The following ZFYVE1 variants were observed in gnomAD, a reference collection of about 807,000 sequenced individuals.
ZFYVE1 encodes the protein zinc finger FYVE domain-containing protein 1.
A neutral mutation model predicts 74.4 loss-of-function variants in ZFYVE1; 30 were observed. The observed-to-expected ratio is 0.40, with a 90% confidence interval of 0.30 to 0.55. The LOEUF (loss-of-function observed/expected upper bound fraction) is 0.55. Ranked by LOEUF, ZFYVE1 falls within the 20% of genes least tolerant of loss-of-function variation. The pLI, the probability that ZFYVE1 is intolerant of heterozygous loss-of-function variation, is 0.42. For missense variants in ZFYVE1, 703 were observed against 1,011.6 expected, an observed-to-expected ratio of 0.69 and a Z score of 4.14; for synonymous variants, 335 against 385.1, an observed-to-expected ratio of 0.87 and a Z score of 1.52.
At chr14:73,023,382 TATA>T (rs1274439556) in intron 2 of ZFYVE1, among the ~76,000 whole-genome samples, 2 of 14,354 alleles carry the variant, frequency 1.4e-4, no homozygotes, top group Admixed American at 1.7e-3. Flanking sequence ...ATATAATATA[TATA>T]TTTTATGTGT....
chr14:72,969,961 C>T lies in ZFYVE1; in HGVS notation c.*921G>A. ...TGTGTCTGGGAACAAAGGATTAAGA[C>T]ACTTTAAAATAAGCAATGAAAATCC... On this transcript the variant is annotated 3_prime_UTR_variant, in exon 12 of 12. Coordinates refer to ENST00000556143, the MANE Select transcript of ZFYVE1 (RefSeq NM_021260.4). The T allele has an allele frequency of 3.6e-6, 2 of 548,306 alleles. No individual in the cohort carries two copies. The highest frequency in any genetic ancestry group is 2.4e-5 in the South Asian group (1 of 41,042). 34.0% of individuals were successfully genotyped at this position (548,306 alleles called of 1,614,324 possible).
At chr14:73,026,735 T>A (rs1476979480) in intron 1 of ZFYVE1, among the ~76,000 whole-genome samples, 191 bp downstream of exon 1, 1 of 129,850 alleles carries the variant, frequency 7.7e-6, no homozygotes, top group Admixed American at 7.7e-5. Context: ...ACAAAGAAGG[T>A]CCCCCAAAAT....
chr14:72,983,447 C>A (rs1427859939), intron 4 of ZFYVE1, among the ~76,000 whole-genome samples: 1 of 146,320 alleles, frequency 6.8e-6, no homozygotes. Flanking sequence ...TGAGAACATG[C>A]GGTGTTTGGT....
chr14:73,021,093 C>T (rs1271551437), intron 2 of ZFYVE1, among the ~76,000 whole-genome samples: 1 of 152,050 alleles, frequency 6.6e-6, no homozygotes, highest in Non-Finnish European at 1.5e-5. Flanking sequence ...GCCTGTAATC[C>T]CAGCATCTTG....
At chr14:73,020,597 C>T in intron 2 of ZFYVE1, among the ~76,000 whole-genome samples, 1 of 152,188 alleles carries the variant, frequency 6.6e-6, no homozygotes, top group East Asian at 1.9e-4. Context: ...CGTGATCCAC[C>T]TCCCTCAGCC....
intron 2 of ZFYVE1, among the ~76,000 whole-genome samples, chr14:73,006,300 C>T (rs1294891253): frequency 3.4e-5 from 5 of 147,880 alleles, no homozygotes; most frequent in African/African-American, 9.8e-5. Context: ...CGAGGCTGGG[C>T]GTGGTGGCTC....
intron 4 of ZFYVE1, among the ~76,000 whole-genome samples, chr14:72,982,472 A>G (rs1893360552): frequency 6.6e-6 from 1 of 152,214 alleles, no homozygotes; most frequent in Admixed American, 6.5e-5. Flanking sequence ...ACATTACCCA[A>G]AGGACAGCAA....
chr14:72,990,965 G>C (rs1409894623), intron 4 of ZFYVE1, among the ~76,000 whole-genome samples: 1 of 151,932 alleles, frequency 6.6e-6, no homozygotes, highest in Non-Finnish European at 1.5e-5. Flanking sequence ...CTCTCAAAGT[G>C]CTGGGAATGA....
At position 72,993,173 on chromosome 14, in the gene ZFYVE1, C is replaced by G. The variant is rs1567353380; in HGVS notation, c.1173G>C (p.Arg391=). 6.2e-7 allele frequency: 1 copy of G among 1,611,780 alleles called. No homozygotes were observed. The highest frequency in any genetic ancestry group is 1.3e-5 in the African/African-American group (1 of 74,830). The change falls in exon 4 of 12, where the codon CGG becomes CGC. Residue 391 remains arginine, a synonymous_variant. Transcript: ENST00000556143. ...GGGCTTTGAAGATGACTCCCGGGTG[C>G]CGGGGAGAACGGGTGGTGTTATTCT... ...LLENNTTRSP[R]HPGVIFKALK...
Position 73,020,233 on chromosome 14 carries a change from C to T in ZFYVE1, c.483+3793G>A, listed in dbSNP as rs535876090. On this transcript the variant is annotated intron_variant, in intron 2 of 11. Transcript: ENST00000556143. Reference sequence around the variant, plus strand: ...TTGTGCCATCACACTCCAGCACCTGCTGGGTGACAGAGTGAGACTCCATCT... The same window carrying T: ...TTGTGCCATCACACTCCAGCACCTGTTGGGTGACAGAGTGAGACTCCATCT... 3.5e-5 allele frequency among the ~76,000 whole-genome samples: 4 copies of T among 112,834 alleles called. No homozygotes were observed. In the East Asian group the frequency reaches 1.1e-3, roughly 31 times the overall value. 74.0% of individuals were successfully genotyped at this position (112,834 alleles called of 152,430 possible). A position where few individuals can be genotyped will look rare whatever the true frequency, so the allele number is the denominator to read the frequency against.
intron 2 of ZFYVE1, among the ~76,000 whole-genome samples, chr14:73,017,181 A>G (rs1234148367): frequency 6.6e-6 from 1 of 152,196 alleles, no homozygotes; most frequent in Non-Finnish European, 1.5e-5. Context: ...TGTCCCTGAT[A>G]TATTTTCCAC....
chr14:73,007,773 A>T (rs1894009619), intron 2 of ZFYVE1, among the ~76,000 whole-genome samples: 1 of 152,250 alleles, frequency 6.6e-6, no homozygotes, highest in Admixed American at 6.5e-5. Context: ...TTCTTCCAAT[A>T]GCAAGGTTTA....
chr14:72,986,282 T>TAACC lies in ZFYVE1; in HGVS notation c.1204-4391_1204-4388dup, dbSNP rs537135957. 1.6e-3 allele frequency among the ~76,000 whole-genome samples: 243 copies of TAACC among 152,188 alleles called. 2 individuals are homozygous for TAACC. Among genetic ancestry groups the TAACC allele is most frequent in the African/African-American group, 5.6e-3 (234 of 41,536 alleles). ...GGCTTATGTTGTCCAAGGTAACAGGTAACCACTTATGACATAAGAAAGAGA... is the reference window on the plus strand; with the variant it reads ...GGCTTATGTTGTCCAAGGTAACAGGTAACCAACCACTTATGACATAAGAAAGAGA... On this transcript the variant is annotated intron_variant, in intron 4 of 11. Coordinates refer to ENST00000556143, the MANE Select transcript of ZFYVE1 (RefSeq NM_021260.4).
rs1254581556 is a variant in ZFYVE1, at chr14:72,975,759, A to T, written c.1636-38T>A. On this transcript the variant is annotated intron_variant, in intron 8 of 11. Transcript: ENST00000556143. This position sits in a 1 kb window ranked among gnomAD's most constrained non-coding sequence, Gnocchi z 4.1. ...CGCAGGCTTCCATCATGCTCTGAGA[A>T]GGGAGTGAAAGGAAGGAGGAAGAGG... 1 of 1,602,536 alleles carries T rather than the reference A, an allele frequency of 6.2e-7. No homozygotes were observed. The highest frequency in any genetic ancestry group is 2.2e-5 in the East Asian group (1 of 44,816).
chr14:73,023,359 A>ATATATGTTTTATATATAATATATAT (rs1567366955), intron 2 of ZFYVE1, among the ~76,000 whole-genome samples: 40 of 54,900 alleles, frequency 7.3e-4, no homozygotes, highest in African/African-American at 2.2e-3. Context: ...AATATATATT[A>ATATATGTTTTATATATAATATATAT]TATATGTTTT....
At chr14:73,003,989 C>T (rs941080762) in intron 2 of ZFYVE1, among the ~76,000 whole-genome samples, 16 of 152,156 alleles carry the variant, frequency 1.1e-4, no homozygotes, top group Admixed American at 4.6e-4. Context: ...TACCCAGGTA[C>T]CTTAAACGCT....
At chr14:72,991,183 A>ATTTTTTTTTTTT (rs57153409) in intron 4 of ZFYVE1, among the ~76,000 whole-genome samples, 2 of 83,566 alleles carry the variant, frequency 2.4e-5, no homozygotes, top group Non-Finnish European at 2.3e-5. Context: ...CCCTGATGGT[A>ATTTTTTTTTTTT]TTTTTTTTTT....
rs532489617 is a variant in ZFYVE1 at position 73,009,153 on chromosome 14, A to G, written c.484-10838T>C. Among the ~76,000 whole-genome samples, 3 of 152,308 alleles carry G rather than the reference A, an allele frequency of 2.0e-5. No individual in the cohort carries two copies. The South Asian group carries it at 6.2e-4, about 32-fold the overall frequency. On this transcript the variant is annotated intron_variant, in intron 2 of 11. Transcript: ENST00000556143. ...GTCTAGACGCTATATCCTCTGGGGG[A>G]GGGAATGGTATAGTATCACCATTAA... is the stretch of plus-strand genomic sequence containing the variant.
At chr14:73,012,477 C>G (rs1311976498) in intron 2 of ZFYVE1, among the ~76,000 whole-genome samples, 1 of 152,110 alleles carries the variant, frequency 6.6e-6, no homozygotes, top group Non-Finnish European at 1.5e-5. Flanking sequence ...ACAAAATTAG[C>G]TGGACGTAGT....
Sources: gnomAD v4.1 joint callset for allele counts (sites outside exome capture counted in the v4.1 genomes callset) on GRCh38, gnomAD v4.1.1 for gene constraint, Gnocchi (gnomAD v3.1) non-coding constraint, MANE v1.5 for transcripts, NCBI Gene and HGNC (gene_info 2026-07-23, HGNC 2026-07-21) for gene names.